NFIB: variants seen among roughly 807,000 people sequenced by gnomAD.
NFIB encodes nuclear factor I B.
NFIB carries 11 observed loss-of-function variants against 61.5 expected under a neutral mutation model. The observed-to-expected ratio is 0.18, with a 90% confidence interval of 0.11 to 0.30. The LOEUF is 0.30. NFIB is among the 10% of genes least tolerant of loss of function. The pLI, the probability that NFIB is intolerant of heterozygous loss-of-function variation, is 1.00. For missense variants in NFIB, 471 were observed against 608.9 expected, an observed-to-expected ratio of 0.77 and a Z score of 2.38; for synonymous variants, 260 against 216.5, an observed-to-expected ratio of 1.20 and a Z score of -1.76.
the NFIB span, among the ~76,000 whole-genome samples, chr9:14,450,237 G>C: frequency 4.6e-5 from 7 of 151,200 alleles, no homozygotes; most frequent in Non-Finnish European, 1.0e-4. Flanking sequence ...TTCTGTCCTT[G>C]TGATACTTTG....
chr9:14,266,231 C>T (rs1180277371), intron 2 of NFIB, among the ~76,000 whole-genome samples: 1 of 152,120 alleles, frequency 6.6e-6, no homozygotes, highest in Admixed American at 6.6e-5. Flanking sequence ...TTCCCTTATG[C>T]TCAAACACTC....
chr9:14,134,351 C>G (rs1241805830), intron 6 of NFIB, among the ~76,000 whole-genome samples: 1 of 152,024 alleles, frequency 6.6e-6, no homozygotes, highest in African/African-American at 2.4e-5. Flanking sequence ...TGTATTTATT[C>G]CCGTAGCAAA....
chr9:14,098,924 G>T (rs1445787131), intron 10 of NFIB, among the ~76,000 whole-genome samples: 7 of 152,224 alleles, frequency 4.6e-5, no homozygotes, highest in South Asian at 2.1e-4. Flanking sequence ...GTCAGCTTTG[G>T]TTCCTAAGGG....
chr9:14,167,421 T>C (rs1223692681), intron 3 of NFIB, among the ~76,000 whole-genome samples: 1 of 152,110 alleles, frequency 6.6e-6, no homozygotes, highest in Non-Finnish European at 1.5e-5. Flanking sequence ...TAGTGCCAGC[T>C]GCTCAGGAGG....
chr9:14,396,143 T>C (rs371400802), intron 1 of NFIB, among the ~76,000 whole-genome samples: 22 of 152,288 alleles, frequency 1.4e-4, no homozygotes, highest in African/African-American at 5.1e-4. Context: ...CAGCTTTTAA[T>C]GTATTTGATA....
intron 3 of NFIB, among the ~76,000 whole-genome samples, chr9:14,170,389 C>T (rs2045432392): frequency 6.6e-6 from 1 of 152,156 alleles, no homozygotes; most frequent in Non-Finnish European, 1.5e-5. Flanking sequence ...TGCTTATAAT[C>T]CCAACACTTT....
chr9:14,501,238 C>T, the NFIB span, among the ~76,000 whole-genome samples: 4 of 152,074 alleles, frequency 2.6e-5, no homozygotes, highest in African/African-American at 7.2e-5. Context: ...CCTCTCTTTC[C>T]GCTCCTATGA....
intron 2 of NFIB, among the ~76,000 whole-genome samples, chr9:14,184,076 C>T (rs989428385): frequency 3.2e-5 from 4 of 126,304 alleles, no homozygotes; most frequent in East Asian, 2.4e-4. Flanking sequence ...GTCAATCTCT[C>T]GTGGCTCTTC....
At chr9:14,198,619 T>G (rs181074824) in intron 2 of NFIB, among the ~76,000 whole-genome samples, 1 of 152,166 alleles carries the variant, frequency 6.6e-6, no homozygotes, top group East Asian at 1.9e-4. Flanking sequence ...CCTGAGATGC[T>G]TGTTAGAAAT....
At chr9:14,419,054 C>A in the NFIB span, among the ~76,000 whole-genome samples, 1 of 151,862 alleles carries the variant, frequency 6.6e-6, no homozygotes, top group African/African-American at 2.4e-5. Flanking sequence ...TATCGGCAAC[C>A]TGCAAAGTCA....
intron 10 of NFIB, among the ~76,000 whole-genome samples, chr9:14,100,583 G>A (rs576311438): frequency 2.0e-5 from 3 of 152,274 alleles, no homozygotes; most frequent in East Asian, 1.9e-4. Context: ...GGTGGCGGGC[G>A]CCTGTAGTCC....
Position 14,347,641 on chromosome 9 carries a change from A to G in NFIB, c.109-40121T>C, listed in dbSNP as rs529694009. Among the ~76,000 whole-genome samples, 373 of 152,054 alleles carry G rather than the reference A, an allele frequency of 2.5e-3. 2 individuals carry two copies. The highest frequency in any genetic ancestry group is 1.4e-3 in the Non-Finnish European group (98 of 67,970). ...CAGCTCCCTAGGCGGTTGAAGATCC[A>G]AGTCTCTTCGGTCAGGTCCGCCCAA... On this transcript the variant is annotated intron_variant, in intron 1 of 8. Coordinates refer to the NFIB transcript ENST00000380934.
chr9:14,423,647 T>C, the NFIB span, among the ~76,000 whole-genome samples: 142 of 152,210 alleles, frequency 9.3e-4, no homozygotes, highest in African/African-American at 3.3e-3. Flanking sequence ...GTCCCTTGAG[T>C]TTTGATTATT....
At chr9:14,145,177 G>C (rs1279767520) in intron 6 of NFIB, among the ~76,000 whole-genome samples, 1 of 152,042 alleles carries the variant, frequency 6.6e-6, no homozygotes, top group African/African-American at 2.4e-5. Flanking sequence ...TCATATCCTT[G>C]CATAAAATGA....
chr9:14,185,384 G>C (rs532715491), intron 2 of NFIB, among the ~76,000 whole-genome samples: 36 of 152,250 alleles, frequency 2.4e-4, no homozygotes, highest in African/African-American at 7.2e-4. Flanking sequence ...TCTGAAAATA[G>C]TATGCCATTC....
At chr9:14,308,916 C>G (rs2060153537) in intron 1 of NFIB, among the ~76,000 whole-genome samples, 1 of 152,116 alleles carries the variant, frequency 6.6e-6, no homozygotes, top group Admixed American at 6.5e-5. Context: ...TAGGTAAAAC[C>G]TGTCTTATAA....
chr9:14,473,467 C>T, the NFIB span, among the ~76,000 whole-genome samples: 30 of 152,314 alleles, frequency 2.0e-4, no homozygotes, highest in African/African-American at 7.0e-4. Context: ...GATGTTGGTA[C>T]TGTTTATTCA....
At chr9:14,460,420 T>C in the NFIB span, among the ~76,000 whole-genome samples, 1 of 151,346 alleles carries the variant, frequency 6.6e-6, no homozygotes, top group Admixed American at 6.6e-5. Context: ...CTAATGTAAA[T>C]GACGAGTTAA....
At chr9:14,213,706 A>C (rs1194147931) in intron 2 of NFIB, among the ~76,000 whole-genome samples, 2 of 152,166 alleles carry the variant, frequency 1.3e-5, no homozygotes, top group African/African-American at 2.4e-5. Flanking sequence ...GTGCTAAATG[A>C]ATAACAGTAT....
Sources: gnomAD v4.1 joint callset for allele counts (sites outside exome capture counted in the v4.1 genomes callset) on GRCh38, gnomAD v4.1.1 for gene constraint, MANE v1.5 for transcripts, NCBI Gene and HGNC (gene_info 2026-07-23, HGNC 2026-07-21) for gene names.